ZC4H2: variants seen among roughly 807,000 people sequenced by gnomAD.
ZC4H2 encodes the protein zinc finger C4H2 domain-containing protein.
For synonymous variants in ZC4H2, 84 were observed against 66.3 expected (o/e 1.27, Z -1.30); for missense variants, 137 against 173.9 (o/e 0.79, Z 1.19).
intron 1 of ZC4H2, among the ~76,000 whole-genome samples, chrX:65,029,292 C>G (rs188934409): frequency 5.4e-5 from 6 of 112,062 alleles, no homozygotes; most frequent in African/African-American, 1.6e-4. Flanking sequence ...GAAAAGTGTC[C>G]ATTGCATAGG....
intron 1 of ZC4H2, among the ~76,000 whole-genome samples, chrX:64,949,505 G>A (rs1197056009): frequency 4.5e-5 from 5 of 111,370 alleles, no homozygotes; most frequent in East Asian, 5.6e-4. Flanking sequence ...CCTCTAACTT[G>A]GAATGCTCCA....
intron 1 of ZC4H2, among the ~76,000 whole-genome samples, chrX:64,959,953 C>G (rs193035285): frequency 6.6e-4 from 73 of 110,895 alleles, no homozygotes; most frequent in African/African-American, 2.3e-3. Context: ...CACTTCTAGT[C>G]AAGATAGAGT....
intron 1 of ZC4H2, among the ~76,000 whole-genome samples, chrX:64,948,264 C>A (rs1388943721): frequency 3.6e-5 from 4 of 111,528 alleles, no homozygotes; most frequent in African/African-American, 1.3e-4. Flanking sequence ...TGGATTCGTT[C>A]CAGTGATTAA....
intron 1 of ZC4H2, among the ~76,000 whole-genome samples, chrX:64,994,186 A>C (rs12008701): frequency 0.23 from 26,038 of 111,271 alleles, 7,358 homozygotes; most frequent in African/African-American, 0.81. Flanking sequence ...GCACTGTTAA[A>C]CCTTTACAGG....
intron 1 of ZC4H2, among the ~76,000 whole-genome samples, chrX:64,964,136 CAATACTGTATTATA>C (rs1373085237): frequency 9.0e-6 from 1 of 110,890 alleles, no homozygotes; most frequent in Non-Finnish European, 1.9e-5. Flanking sequence ...TTCTAGTTAA[CAATACTGTATTATA>C]AATATAAAAT....
At chrX:64,928,878 TTC>T (rs1480898037) in intron 1 of ZC4H2, among the ~76,000 whole-genome samples, 2 of 102,055 alleles carry the variant, frequency 2.0e-5, no homozygotes, top group African/African-American at 7.5e-5. Context: ...CCTTCTTTTC[TTC>T]TCTTTCTCCT....
At chrX:65,024,355 C>CA (rs1351070283) in intron 1 of ZC4H2, among the ~76,000 whole-genome samples, 1 of 111,187 alleles carries the variant, frequency 9.0e-6, no homozygotes, top group Admixed American at 9.5e-5. Flanking sequence ...TTATTAAAGT[C>CA]AAAAAACAAC....
At chrX:64,975,993 G>A (rs1931934739) in intron 1 of ZC4H2, among the ~76,000 whole-genome samples, 1 of 111,433 alleles carries the variant, frequency 9.0e-6, no homozygotes. Flanking sequence ...CTCCTAAAGA[G>A]CAAGGAGCCA....
chrX:64,999,055 T>G (rs1471849672), intron 1 of ZC4H2, among the ~76,000 whole-genome samples: 3 of 97,868 alleles, frequency 3.1e-5, no homozygotes, highest in Admixed American at 1.1e-4. Flanking sequence ...TTTTTTTTTT[T>G]TTTTTTTTTT....
At chrX:65,026,844 C>A (rs184431765) in intron 1 of ZC4H2, among the ~76,000 whole-genome samples, 31 of 112,490 alleles carry the variant, frequency 2.8e-4, no homozygotes, top group African/African-American at 8.1e-4. Context: ...CTCCCTCTTT[C>A]ACTGCTGCAT....
At chrX:64,976,901 C>T (rs1931967520), upstream of ZC4H2, among the ~76,000 whole-genome samples, 1 of 85,212 alleles carries the variant, frequency 1.2e-5, no homozygotes, top group Non-Finnish European at 2.2e-5. Context: ...GCCTGGGGAC[C>T]AGTAACTTTG....
intron 1 of ZC4H2, among the ~76,000 whole-genome samples, chrX:64,966,566 T>C (rs1602425702): frequency 2.7e-5 from 3 of 112,315 alleles, no homozygotes; most frequent in African/African-American, 9.7e-5. Flanking sequence ...CCTCAACTTG[T>C]GAGTGAACAC....
chrX:64,951,297 C>G (rs1271992043), intron 1 of ZC4H2, among the ~76,000 whole-genome samples: 1 of 112,040 alleles, frequency 8.9e-6, no homozygotes, highest in African/African-American at 3.2e-5. Context: ...ATGACTTATA[C>G]TCCTTTGGGT....
At chrX:64,929,276 T>C (rs990101036) in intron 1 of ZC4H2, among the ~76,000 whole-genome samples, 133 of 111,515 alleles carry the variant, frequency 1.2e-3, no homozygotes, top group African/African-American at 4.2e-3. Context: ...ATTAGTCCTT[T>C]GTCAGATGCA....
chrX:64,934,902 G>A (rs1014361091), intron 1 of ZC4H2, among the ~76,000 whole-genome samples: 3 of 111,126 alleles, frequency 2.7e-5, no homozygotes, highest in African/African-American at 6.5e-5. Context: ...AAAACTGGGC[G>A]GCCCTTTGGG....
At chrX:64,962,277 C>A (rs1931424945) in intron 1 of ZC4H2, among the ~76,000 whole-genome samples, 1 of 111,569 alleles carries the variant, frequency 9.0e-6, no homozygotes, top group South Asian at 3.7e-4. Flanking sequence ...AATTAATGTG[C>A]TATATCACAT....
At chrX:64,954,668 A>G (rs1158997747) in intron 1 of ZC4H2, among the ~76,000 whole-genome samples, 1 of 107,811 alleles carries the variant, frequency 9.3e-6, no homozygotes, top group African/African-American at 3.4e-5. Flanking sequence ...GTCCCTGAAA[A>G]TCACTCTTCA....
chrX:64,919,256 T>C lies in ZC4H2; in HGVS notation c.399-52A>G, dbSNP rs369088000. On this transcript the variant is annotated intron_variant, in intron 3 of 4. Coordinates refer to ENST00000374839, the MANE Select transcript of ZC4H2 (RefSeq NM_018684.4). ...ATCATTCTGAAAGCAATGAGAACCT[T>C]GCTCCTCTTAAAGACTCCATGCCAT... 22 of 1,186,537 alleles carry C rather than the reference T, an allele frequency of 1.9e-5. No homozygotes were observed. The African/African-American group carries it at 3.7e-4, about 20-fold the overall frequency.
chrX:64,939,926 A>G (rs182698596), intron 1 of ZC4H2, among the ~76,000 whole-genome samples: 1 of 111,965 alleles, frequency 8.9e-6, no homozygotes, highest in Non-Finnish European at 1.9e-5. Context: ...GCAAAAATTG[A>G]CAAAAGGGAT....
Sources: gnomAD v4.1 joint callset for allele counts (sites outside exome capture counted in the v4.1 genomes callset) on GRCh38, gnomAD v4.1.1 for gene constraint, MANE v1.5 for transcripts, NCBI Gene and HGNC (gene_info 2026-07-23, HGNC 2026-07-21) for gene names.